The following PIEZO2 variants were observed in gnomAD, a reference collection of about 807,000 sequenced individuals.
PIEZO2 encodes piezo-type mechanosensitive ion channel component 2.
Under a neutral mutation model 337.3 loss-of-function variants are expected in PIEZO2, and 172 were observed. The ratio of observed to expected loss-of-function variants is 0.51; its 90% CI spans 0.45 to 0.58. The LOEUF (loss-of-function observed/expected upper bound fraction) is 0.58. PIEZO2 is among the 20% of genes least tolerant of loss of function. PIEZO2 has a pLI of 0.00. For synonymous variants in PIEZO2, 1,251 were observed against 1,228.5 expected (o/e 1.02, Z -0.38); for missense variants, 3,028 against 3,391.3 (o/e 0.89, Z 2.66).
At chr18:10,697,645 G>C in intron 45 of PIEZO2, 103 bp downstream of exon 45, 1 of 1,434,448 alleles carries the variant, frequency 7.0e-7, no homozygotes, top group South Asian at 1.4e-5. Flanking sequence ...TAACATTTGT[G>C]ACACGAGAAG....
Position 10,682,358 on chromosome 18 carries a change from T to A in PIEZO2, c.7498-66A>T. On this transcript the variant is annotated intron_variant, in intron 49 of 55. Transcript: ENST00000674853. This position sits in a 1 kb window ranked among gnomAD's most constrained non-coding sequence, Gnocchi z 5.6. ...GGTGCTTTCCCGCAGGCAGCGGGAT[T>A]GGGGGAGAGCGAGTGCTCTTCCTGT... The A allele has an allele frequency of 7.2e-7, 1 of 1,380,464 alleles. No homozygotes were observed. The highest frequency in any genetic ancestry group is 9.7e-7 in the Non-Finnish European group (1 of 1,026,628). The allele number at this position is 1,380,464 out of a possible 1,614,324, so 85.5% of individuals were successfully genotyped here.
In PIEZO2 at chr18:10,797,496, T is replaced by C; in HGVS notation, c.1405A>G (p.Lys469Glu). The C allele has an allele frequency of 2.6e-6, 4 of 1,537,188 alleles. No individual in the cohort carries two copies. The highest frequency in any genetic ancestry group is 2.6e-6 in the Non-Finnish European group (3 of 1,146,878). The change falls in exon 12 of 56, where the codon AAA (lysine) becomes GAA (glutamate). Residue 469 changes from lysine (K) to glutamate (E), a missense_variant. Around this residue, in one of 5 missense-constraint regions of PIEZO2, gnomAD observed 542 missense variants for 605.6 expected, o/e 0.89. Coordinates refer to ENST00000674853, the MANE Select transcript of PIEZO2 (RefSeq NM_001378183.1). ...SEKREEEEEE[K>E]EEFEEERSRE... Reference sequence around the variant, plus strand: ...CTCCTTTCTTCTTCAAATTCTTCTTTCTCTTCCTCTTCCTCCTCTCGCTTT... The same window carrying C: ...CTCCTTTCTTCTTCAAATTCTTCTTCCTCTTCCTCTTCCTCCTCTCGCTTT...
At chr18:10,892,630 T>C (rs2042788277) in intron 4 of PIEZO2, among the ~76,000 whole-genome samples, 1 of 151,652 alleles carries the variant, frequency 6.6e-6, no homozygotes, top group South Asian at 2.1e-4. Flanking sequence ...GGAATGTAAA[T>C]TGCACCTCAA....
Position 11,092,037 on chromosome 18 carries a change from G to A in PIEZO2, c.65-25815C>T, listed in dbSNP as rs890430647. Among the ~76,000 whole-genome samples the A allele has an allele frequency of 2.6e-5, 4 of 152,160 alleles. No homozygotes were observed. Among genetic ancestry groups the A allele is most frequent in the Non-Finnish European group, 4.4e-5 (3 of 68,032 alleles). ...TATCCCAATAAAAGACTCTTTGGAG[G>A]GTGTGGCAAATGTGGTCTTTGATGC... On this transcript the variant is annotated intron_variant, in intron 1 of 55. Coordinates refer to ENST00000674853, the MANE Select transcript of PIEZO2 (RefSeq NM_001378183.1). This position sits in a 1 kb window ranked among gnomAD's most constrained non-coding sequence, Gnocchi z 4.5.
chr18:11,106,694 G>T (rs9952732), intron 1 of PIEZO2, among the ~76,000 whole-genome samples: 7,807 of 152,142 alleles, frequency 0.051, 666 homozygotes, highest in African/African-American at 0.18. Context: ...GATGACAGGG[G>T]TGAGCCACTG....
At position 10,834,424 on chromosome 18, in the gene PIEZO2, A is replaced by G. The variant is rs1462066346; in HGVS notation, c.917+20929T>C. 2.0e-5 allele frequency among the ~76,000 whole-genome samples: 3 copies of G among 152,172 alleles called. No individual in the cohort carries two copies. The highest frequency in any genetic ancestry group is 4.4e-5 in the Non-Finnish European group (3 of 68,024). On this transcript the variant is annotated intron_variant, in intron 7 of 55. Coordinates refer to ENST00000674853, the MANE Select transcript of PIEZO2 (RefSeq NM_001378183.1). This position sits in a 1 kb window ranked among gnomAD's most constrained non-coding sequence, Gnocchi z 4.5. The stretch of plus-strand genomic sequence containing the variant: ...CCCGACAATACTATGTGCTCAATAC[A>G]CCTTAACTATTACAACTATGATATT...
Position 10,748,466 on chromosome 18 carries a change from C to G in PIEZO2, c.4424+5G>C. 1 of 1,536,788 alleles carries G rather than the reference C, an allele frequency of 6.5e-7. No individual in the cohort carries two copies. Among genetic ancestry groups the G allele is most frequent in the Non-Finnish European group, 8.7e-7 (1 of 1,146,712 alleles). On this transcript the variant is annotated splice_donor_5th_base_variant and intron_variant, in intron 30 of 55. Transcript: ENST00000674853. The surrounding 1 kb of genome is among the most constrained non-coding windows in gnomAD (Gnocchi z 5.1). The stretch of plus-strand genomic sequence containing the variant: ...GAAACCACCTGATTTCATGGCCTGA[C>G]CCACCTTGATGCCAGAATCTGGGAA...
rs71364242 is a variant in PIEZO2, at chr18:10,913,801, C to T, written c.287-2573G>A. Among the ~76,000 whole-genome samples, 489 of 152,180 alleles carry T rather than the reference C, an allele frequency of 3.2e-3. 1 individual carries two copies. Among genetic ancestry groups the T allele is most frequent in the Non-Finnish European group, 5.1e-3 (349 of 68,002 alleles). ...ACCAGGCACAACAGCAGTGGCAGAA[C>T]GACTTCTTTCTATTCACCAGAAATC... On this transcript the variant is annotated intron_variant, in intron 3 of 55. Coordinates refer to ENST00000674853, the MANE Select transcript of PIEZO2 (RefSeq NM_001378183.1).
At chr18:10,825,545 TCTTCC>T (rs1371224946) in intron 7 of PIEZO2, among the ~76,000 whole-genome samples, 1 of 138,818 alleles carries the variant, frequency 7.2e-6, no homozygotes, top group African/African-American at 2.9e-5. Context: ...TTCTTTCCTT[TCTTCC>T]TTTTTTTTTT....
chr18:10,741,472 T>A (rs2037215350), intron 32 of PIEZO2, among the ~76,000 whole-genome samples: 1 of 152,214 alleles, frequency 6.6e-6, no homozygotes, highest in Non-Finnish European at 1.5e-5. Flanking sequence ...AAATAATTTG[T>A]TAAAGTACAT....
Position 10,671,685 on chromosome 18 carries a change from G to A in PIEZO2, c.8440C>T (p.Leu2814Phe), listed in dbSNP as rs528672056. The change falls in exon 56 of 56, where the codon CTT (leucine) becomes TTT (phenylalanine). Residue 2814 changes from leucine (L) to phenylalanine (F), a missense_variant. Physicochemically the swap from Leu to Phe is conservative, Grantham distance 22. Transcript: ENST00000674853. ...GISHSIMFEE[L>F]PNVDRILKLC... ...TTCAAAATTCGATCCACATTTGGAA[G>A]CTCTTCAAACATGATGGAGTGAGAA... 5.6e-6 allele frequency: 9 copies of A among 1,613,928 alleles called. No homozygotes were observed. The highest frequency in any genetic ancestry group is 2.7e-5 in the African/African-American group (2 of 75,014).
chr18:10,672,968 T>A lies in PIEZO2; in HGVS notation c.8162-95A>T. 9.9e-7 allele frequency: 1 copy of A among 1,006,552 alleles called. No individual in the cohort carries two copies. Among genetic ancestry groups the A allele is most frequent in the Non-Finnish European group, 1.5e-6 (1 of 675,914 alleles). 62.4% of individuals were successfully genotyped at this position (1,006,552 alleles called of 1,614,324 possible). ...CAGATGGCAAAATCTGGTTACTAAC[T>A]ATAGCATAAGGTTCTAGGATGAAAA... On this transcript the variant is annotated intron_variant, in intron 54 of 55. Coordinates refer to ENST00000674853, the MANE Select transcript of PIEZO2 (RefSeq NM_001378183.1). The surrounding 1 kb of genome is among the most constrained non-coding windows in gnomAD (Gnocchi z 4.7).
At chr18:10,758,595 G>A (rs138196755) in intron 26 of PIEZO2, among the ~76,000 whole-genome samples, 342 of 152,252 alleles carry the variant, frequency 2.2e-3, no homozygotes, top group African/African-American at 7.8e-3. Flanking sequence ...ACAAGTGCCC[G>A]CCACCATGCC....
chr18:10,710,223 C>T (rs2035762196), intron 39 of PIEZO2, among the ~76,000 whole-genome samples: 1 of 152,214 alleles, frequency 6.6e-6, no homozygotes, highest in Non-Finnish European at 1.5e-5. Context: ...ATGGAGTTCT[C>T]AGAACCCACA....
At chr18:10,932,920 T>C (rs2032175279) in intron 3 of PIEZO2, among the ~76,000 whole-genome samples, 1 of 150,896 alleles carries the variant, frequency 6.6e-6, no homozygotes. Context: ...CCAGACCCCT[T>C]CTCTAAAAAA....
Position 10,716,288 on chromosome 18 carries a change from G to A in PIEZO2, c.5090-472C>T, listed in dbSNP as rs2036008179. ...TCCTCAACCCACTCAAGGGAAGGAC[G>A]ATGAGGATGAGAGCTTTATGATGGT... On this transcript the variant is annotated intron_variant, in intron 37 of 55. Coordinates refer to ENST00000674853, the MANE Select transcript of PIEZO2 (RefSeq NM_001378183.1). The surrounding 1 kb of genome is among the most constrained non-coding windows in gnomAD (Gnocchi z 4.1). Among the ~76,000 whole-genome samples the A allele has an allele frequency of 6.6e-6, 1 of 152,142 alleles. No homozygotes were observed. The highest frequency in any genetic ancestry group is 1.5e-5 in the Non-Finnish European group (1 of 68,030).
intron 2 of PIEZO2, among the ~76,000 whole-genome samples, chr18:10,985,597 T>C (rs557375260): frequency 2.9e-4 from 44 of 152,224 alleles, no homozygotes; most frequent in African/African-American, 1.0e-3. Flanking sequence ...AGCTTCGTAA[T>C]ACAATTTGAA....
chr18:10,801,604 GT>G (rs1398068391), intron 9 of PIEZO2, among the ~76,000 whole-genome samples, 176 bp from the exon 10 acceptor site: 1 of 152,168 alleles, frequency 6.6e-6, no homozygotes, highest in East Asian at 1.9e-4. Flanking sequence ...GGATGCTGCT[GT>G]TTATGACAAC....
At chr18:10,926,101 G>A (rs1360083586) in intron 3 of PIEZO2, among the ~76,000 whole-genome samples, 3 of 152,168 alleles carry the variant, frequency 2.0e-5, no homozygotes, top group African/African-American at 7.2e-5. Flanking sequence ...GCACTGGATG[G>A]TGAGAAAGCT....
Sources: gnomAD v4.1 joint callset for allele counts (sites outside exome capture counted in the v4.1 genomes callset) on GRCh38, gnomAD v4.1.1 for gene constraint, gnomAD v4.1.1 regional missense constraint, Gnocchi (gnomAD v3.1) non-coding constraint, MANE v1.5 for transcripts, NCBI Gene and HGNC (gene_info 2026-07-23, HGNC 2026-07-21) for gene names.